TENT4A: variants seen among roughly 807,000 people sequenced by gnomAD.
TENT4A encodes terminal nucleotidyltransferase 4A.
A neutral mutation model predicts 72.8 loss-of-function variants in TENT4A; 7 were observed. That is an observed-to-expected ratio of 0.10 (90% CI 0.05 to 0.18). TENT4A has a LOEUF of 0.18. Among genes scored for constraint, TENT4A ranks in the 10% least tolerant of loss-of-function variants. TENT4A has a pLI of 1.00. For synonymous variants in TENT4A, 456 were observed against 434.3 expected (o/e 1.05, Z -0.62); for missense variants, 831 against 1,017.7 (o/e 0.82, Z 2.50).
chr5:6,716,888 G>A (rs1283397587), intron 1 of TENT4A, among the ~76,000 whole-genome samples: 1 of 152,158 alleles, frequency 6.6e-6, no homozygotes, highest in Non-Finnish European at 1.5e-5. Context: ...TCTGGGTGGT[G>A]TGTACCATGC....
chr5:6,746,840 C>T (rs1272839784), intron 7 of TENT4A, among the ~76,000 whole-genome samples: 2 of 152,182 alleles, frequency 1.3e-5, no homozygotes, highest in African/African-American at 2.4e-5. Context: ...TTGAACACAT[C>T]CCACAACGCA....
chr5:6,731,291 C>T (rs533894266), intron 1 of TENT4A, among the ~76,000 whole-genome samples: 9 of 152,250 alleles, frequency 5.9e-5, no homozygotes, highest in South Asian at 4.1e-4. Flanking sequence ...TATTTTCTGT[C>T]GCATTTTACG....
At chr5:6,740,092 C>T (rs1741718297) in intron 4 of TENT4A, among the ~76,000 whole-genome samples, 1 of 152,190 alleles carries the variant, frequency 6.6e-6, no homozygotes, top group Non-Finnish European at 1.5e-5. Flanking sequence ...GCCCATTAAA[C>T]TGTTCTTGGA....
At chr5:6,752,155 T>C (rs1162023880) in intron 11 of TENT4A, among the ~76,000 whole-genome samples, 1 of 152,120 alleles carries the variant, frequency 6.6e-6, no homozygotes, top group Non-Finnish European at 1.5e-5. Context: ...CACAAAGGTG[T>C]TTGTTTTAAC....
chr5:6,713,905 G>A lies in TENT4A; in HGVS notation c.-79G>A. On this transcript the variant is annotated 5_prime_UTR_variant, in exon 1 of 13. Coordinates refer to ENST00000230859, the MANE Select transcript of TENT4A (RefSeq NM_006999.6). Reference sequence around the variant, plus strand: ...CCCGTCCGTCCGTCCGTGCGCGCGCGGCCGGGCCTCGGGGCGCGGCGGGGG... The same window carrying A: ...CCCGTCCGTCCGTCCGTGCGCGCGCAGCCGGGCCTCGGGGCGCGGCGGGGG... 2 of 494,168 alleles carry A rather than the reference G, an allele frequency of 4.0e-6. No individual in the cohort carries two copies. Among genetic ancestry groups the A allele is most frequent in the South Asian group, 8.3e-5 (1 of 11,996 alleles). 30.6% of individuals were successfully genotyped at this position (494,168 alleles called of 1,614,324 possible).
intron 2 of TENT4A, 116 bp from the exon 3 acceptor site, chr5:6,738,567 G>A (rs191974715): frequency 3.2e-5 from 25 of 783,652 alleles, no homozygotes; most frequent in South Asian, 2.5e-4. Flanking sequence ...CAGTTTCCAA[G>A]GTAGTTTTAT....
At chr5:6,753,181 G>A in intron 12 of TENT4A, 144 bp downstream of exon 12, 2 of 791,304 alleles carry the variant, frequency 2.5e-6, no homozygotes, top group Non-Finnish European at 3.8e-6. Flanking sequence ...CTGTTTGCTT[G>A]TCTTTCCAAA....
At chr5:6,747,182 GT>G (rs1287651029) in intron 7 of TENT4A, among the ~76,000 whole-genome samples, 7 of 152,172 alleles carry the variant, frequency 4.6e-5, no homozygotes, top group Admixed American at 2.0e-4. Flanking sequence ...CATTCTTACT[GT>G]TGGTGATAAA....
intron 1 of TENT4A, chr5:6,715,032 C>T: frequency 5.8e-6 from 1 of 171,992 alleles, no homozygotes; most frequent in Non-Finnish European, 1.2e-5. Flanking sequence ...AACCCCTTGT[C>T]AAAGTGGGGC....
intron 4 of TENT4A, among the ~76,000 whole-genome samples, chr5:6,741,739 A>C (rs1741816754): frequency 6.6e-6 from 1 of 152,236 alleles, no homozygotes. Flanking sequence ...TACTGAATGC[A>C]CTGTCCCTAC....
intron 12 of TENT4A, among the ~76,000 whole-genome samples, chr5:6,754,434 G>T (rs1018500915): frequency 9.2e-5 from 14 of 152,136 alleles, no homozygotes; most frequent in African/African-American, 2.9e-4. Flanking sequence ...CTCCCAAAGT[G>T]GTGGAATTAC....
At chr5:6,719,396 C>G (rs1333171569) in intron 1 of TENT4A, among the ~76,000 whole-genome samples, 1 of 152,082 alleles carries the variant, frequency 6.6e-6, no homozygotes, top group Non-Finnish European at 1.5e-5. Flanking sequence ...TATTCAAATT[C>G]AGAAACTTGA....
chr5:6,743,937 C>T (rs1741951682), intron 6 of TENT4A, 97 bp downstream of exon 6: 1 of 1,079,984 alleles, frequency 9.3e-7, no homozygotes, highest in East Asian at 2.4e-5. Flanking sequence ...CTTTGCTCTC[C>T]TTTTACTGTA....
intron 8 of TENT4A, 30 bp downstream of exon 8, chr5:6,748,620 C>T: frequency 6.3e-7 from 1 of 1,596,126 alleles, no homozygotes; most frequent in Non-Finnish European, 8.6e-7. Flanking sequence ...CGTCTGGGCT[C>T]AGCGTGCCTG....
chr5:6,732,182 G>T (rs1049306581), intron 1 of TENT4A, among the ~76,000 whole-genome samples: 2 of 152,212 alleles, frequency 1.3e-5, no homozygotes, highest in African/African-American at 4.8e-5. Flanking sequence ...CAAAGCGCCT[G>T]CCTGGGTGAG....
chr5:6,714,522 A>T lies in TENT4A; in HGVS notation c.539A>T (p.Gln180Leu). 3 of 1,191,640 alleles carry T rather than the reference A, an allele frequency of 2.5e-6. No homozygotes were observed. The highest frequency in any genetic ancestry group is 3.1e-6 in the Non-Finnish European group (3 of 962,100). 73.8% of individuals were successfully genotyped at this position (1,191,640 alleles called of 1,614,324 possible). The change falls in exon 1 of 13, where the codon CAG becomes CTG. Residue 180 changes from glutamine to leucine, a missense_variant. This residue lies in a region of TENT4A where 302 missense variants were observed against 293.8 expected (regional missense o/e 1.03). Coordinates refer to ENST00000230859, the MANE Select transcript of TENT4A (RefSeq NM_006999.6). ...CCCGCGCCCGCCGGCTCCCCGTCGC[A>T]GCACCAGTTCCACCCGGGTCGCCGG... is the stretch of plus-strand genomic sequence containing the variant. ...RGPAPAGSPS[Q>L]HQFHPGRRKR...
In TENT4A at chr5:6,748,494, C is replaced by T; in HGVS notation, c.1490C>T (p.Ala497Val). 6.2e-7 allele frequency: 1 copy of T among 1,614,118 alleles called. No individual in the cohort carries two copies. The highest frequency in any genetic ancestry group is 8.5e-7 in the Non-Finnish European group (1 of 1,180,008). ...GACGTTGGCCGGAGCTCCTATGGCGCCATGCAGGTGAAGCAGGTCTTCGAT... is the reference window on the plus strand; with the variant it reads ...GACGTTGGCCGGAGCTCCTATGGCGTCATGCAGGTGAAGCAGGTCTTCGAT... ...GNDVGRSSYG[A>V]MQVKQVFDYA... Residue 497 changes from alanine to valine, a missense_variant, in exon 8 of 13, where the codon GCC becomes GTC. By Grantham distance (64) the Ala-to-Val change is moderately conservative. Coordinates refer to ENST00000230859, the MANE Select transcript of TENT4A (RefSeq NM_006999.6).
At chr5:6,726,376 C>G (rs1274948721) in intron 1 of TENT4A, among the ~76,000 whole-genome samples, 1 of 152,144 alleles carries the variant, frequency 6.6e-6, no homozygotes, top group Non-Finnish European at 1.5e-5. Flanking sequence ...GGACTGCTGC[C>G]TGAGATTTCT....
At chr5:6,721,938 T>G (rs942550299) in intron 1 of TENT4A, among the ~76,000 whole-genome samples, 4 of 152,194 alleles carry the variant, frequency 2.6e-5, no homozygotes, top group Non-Finnish European at 4.4e-5. Flanking sequence ...TTTCAGATCA[T>G]TGTAACATTT....
Sources: allele counts gnomAD v4.1 joint callset (sites outside exome capture counted in the v4.1 genomes callset), GRCh38; gene constraint gnomAD v4.1.1; regional missense constraint gnomAD v4.1.1; transcripts MANE v1.5; gene names NCBI Gene and HGNC (gene_info 2026-07-23, HGNC 2026-07-21).